The following CYFIP1 variants were observed in gnomAD, a reference collection of about 807,000 sequenced individuals.
CYFIP1 encodes the protein cytoplasmic FMR1 interacting protein 1, also known as cytoplasmic FMR1-interacting protein 1.
CYFIP1 carries 58 observed loss-of-function variants against 163.5 expected under a neutral mutation model. The observed-to-expected ratio is 0.35, with a 90% confidence interval of 0.29 to 0.44. The LOEUF (loss-of-function observed/expected upper bound fraction) is 0.44, where lower values mean the gene tolerates loss of function less well. CYFIP1 is among the 20% of genes least tolerant of loss of function. The probability of loss-of-function intolerance (pLI) is 1.00; values close to 1 mark genes in which losing one functional copy is unlikely to be tolerated. For synonymous variants in CYFIP1, 663 were observed against 660.7 expected (o/e 1.00, Z -0.05); for missense variants, 1,338 against 1,653.8 (o/e 0.81, Z 3.31).
At chr15:22,954,809 T>A (rs999114262) in intron 1 of CYFIP1, among the ~76,000 whole-genome samples, 1 of 152,122 alleles carries the variant, frequency 6.6e-6, no homozygotes, top group Admixed American at 6.5e-5. Flanking sequence ...AATTTAAGAG[T>A]TTTTAAAAAT....
chr15:22,894,879 T>TATA (rs199946105), intron 22 of CYFIP1, among the ~76,000 whole-genome samples: 51 of 103,596 alleles, frequency 4.9e-4, no homozygotes, highest in Middle Eastern at 4.7e-3. Context: ...ATATATATAT[T>TATA]TTTTTTTTTT....
At chr15:22,949,112 A>G (rs962412390) in intron 1 of CYFIP1, among the ~76,000 whole-genome samples, 4 of 152,224 alleles carry the variant, frequency 2.6e-5, no homozygotes, top group African/African-American at 9.6e-5. Context: ...ACACCCAGAC[A>G]CATCACGGTC....
At chr15:22,883,599 C>T (rs1275405843) in intron 23 of CYFIP1, among the ~76,000 whole-genome samples, 1 of 152,108 alleles carries the variant, frequency 6.6e-6, no homozygotes, top group African/African-American at 2.4e-5. Context: ...GGGCAGATCA[C>T]AAGGTCAGGA....
intron 29 of CYFIP1, 68 bp from the exon 30 acceptor site, chr15:22,873,040 C>T (rs2059481342): frequency 1.3e-6 from 2 of 1,558,002 alleles, no homozygotes; most frequent in Admixed American, 1.8e-5. Flanking sequence ...CTCAGTCTGT[C>T]TCCAGATGTC....
intron 3 of CYFIP1, 88 bp downstream of exon 3, chr15:22,946,915 T>C (rs1208249896): frequency 9.2e-7 from 1 of 1,090,540 alleles, no homozygotes; most frequent in Non-Finnish European, 1.4e-6. Flanking sequence ...CACTGCATAG[T>C]CTATTGGGAT....
intron 9 of CYFIP1, among the ~76,000 whole-genome samples, chr15:22,934,100 C>G (rs556632354): frequency 6.2e-5 from 9 of 145,394 alleles, no homozygotes; most frequent in Non-Finnish European, 1.0e-4. Context: ...TCTATAAAAA[C>G]TATTCAAATG....
chr15:22,944,775 G>A (rs755309895), intron 4 of CYFIP1, 87 bp downstream of exon 4: 32 of 1,524,684 alleles, frequency 2.1e-5, no homozygotes, highest in Non-Finnish European at 2.8e-5. Flanking sequence ...GGAGGAGAGT[G>A]GGCCAGGCAT....
intron 13 of CYFIP1, 91 bp from the exon 14 acceptor site, chr15:22,918,949 C>T (rs944874275): frequency 1.9e-6 from 2 of 1,027,868 alleles, no homozygotes; most frequent in Admixed American, 4.8e-5. Context: ...CTCCTCCTCG[C>T]CCACAGCACC....
At chr15:22,904,393 C>T (rs2060502385) in intron 21 of CYFIP1, 2 of 215,896 alleles carry the variant, frequency 9.3e-6, no homozygotes, top group South Asian at 1.6e-4. Flanking sequence ...CTCTGGAGCT[C>T]GCCCAGGCTG....
intron 29 of CYFIP1, among the ~76,000 whole-genome samples, chr15:22,873,257 C>T (rs900392550): frequency 6.6e-5 from 10 of 152,138 alleles, no homozygotes; most frequent in Non-Finnish European, 1.3e-4. Flanking sequence ...GAAAAATGCA[C>T]GCCCAACGTG....
rs550727875 is a variant in CYFIP1 at position 22,947,202 on chromosome 15, G to A, written c.84C>T (p.Cys28=). ...GCAGCGAGGATGGCGGGGGCTCGAT[G>A]CAGGGCTGCTGGTCGGGCAGGGGCA... ...EELPLPDQQP[C]IEPPPSSLLY... Residue 28 remains cysteine (C), a synonymous_variant, in exon 2 of 31, where the codon TGC becomes TGT. Transcript: ENST00000617928. The A allele has an allele frequency of 1.2e-6, 2 of 1,614,086 alleles. No individual in the cohort carries two copies. The highest frequency in any genetic ancestry group is 8.5e-7 in the Non-Finnish European group (1 of 1,179,994).
intron 1 of CYFIP1, among the ~76,000 whole-genome samples, chr15:22,958,236 C>T (rs1198350767): frequency 6.6e-6 from 1 of 152,088 alleles, no homozygotes; most frequent in East Asian, 1.9e-4. Context: ...CAGGCACCCG[C>T]CACCACACCT....
At chr15:22,875,922 T>C (rs953059919) in intron 26 of CYFIP1, among the ~76,000 whole-genome samples, 1 of 122,154 alleles carries the variant, frequency 8.2e-6, no homozygotes, top group East Asian at 2.0e-4. Context: ...TCCAGGATCA[T>C]GAGGACAGCA....
intron 13 of CYFIP1, among the ~76,000 whole-genome samples, chr15:22,924,572 G>C (rs1394001738): frequency 6.6e-6 from 1 of 152,128 alleles, no homozygotes; most frequent in African/African-American, 2.4e-5. Context: ...GGCTGCATAC[G>C]GTTGAGGGAG....
intron 1 of CYFIP1, among the ~76,000 whole-genome samples, chr15:22,964,071 T>TA (rs2062796288): frequency 6.6e-6 from 1 of 152,138 alleles, no homozygotes; most frequent in East Asian, 1.9e-4. Context: ...TGTATATATT[T>TA]ACTGCATACA....
intron 10 of CYFIP1, among the ~76,000 whole-genome samples, chr15:22,932,657 G>A (rs1645418547): frequency 6.6e-6 from 1 of 152,184 alleles, no homozygotes; most frequent in South Asian, 2.1e-4. Flanking sequence ...AAAAGTCAAT[G>A]AAAGCCTCCC....
intron 1 of CYFIP1, among the ~76,000 whole-genome samples, chr15:22,972,743 G>A (rs1393232340): frequency 1.3e-5 from 2 of 152,152 alleles, no homozygotes; most frequent in African/African-American, 2.4e-5. Flanking sequence ...GCCAGGTGCG[G>A]TGGCTTAGCC....
intron 20 of CYFIP1, 21 bp downstream of exon 20, chr15:22,910,499 C>A (rs2060748691): frequency 2.5e-6 from 4 of 1,601,798 alleles, no homozygotes; most frequent in Non-Finnish European, 3.4e-6. Context: ...ACGTCCCCAC[C>A]ACAGCCCGGC....
chr15:22,894,143 A>T lies in CYFIP1; in HGVS notation c.2589-1166T>A, dbSNP rs78232371. Reference sequence around the variant, plus strand: ...TGACACACCTGCAAAGCTACGGCACACACGTCAGCCTCCGTCCACCTACAA... The same window carrying T: ...TGACACACCTGCAAAGCTACGGCACTCACGTCAGCCTCCGTCCACCTACAA... On this transcript the variant is annotated intron_variant, in intron 22 of 30. Coordinates refer to ENST00000617928, the MANE Select transcript of CYFIP1 (RefSeq NM_014608.6). Among the ~76,000 whole-genome samples, 805 of 152,222 alleles carry T rather than the reference A, an allele frequency of 5.3e-3. 45 individuals carry two copies. The East Asian group carries it at 0.13, about 24-fold the overall frequency.
Sources: gnomAD v4.1 joint callset for allele counts (sites outside exome capture counted in the v4.1 genomes callset) on GRCh38, gnomAD v4.1.1 for gene constraint, MANE v1.5 for transcripts, NCBI Gene and HGNC (gene_info 2026-07-23, HGNC 2026-07-21) for gene names.